The following CWC27 variants were observed in gnomAD, a reference collection of about 807,000 sequenced individuals.
The protein encoded by CWC27 is CWC27 spliceosome associated cyclophilin, also known as spliceosome-associated protein CWC27 homolog.
A neutral mutation model predicts 63.6 loss-of-function variants in CWC27; 47 were observed. The observed-to-expected ratio is 0.74, with a 90% confidence interval of 0.58 to 0.94. The LOEUF is 0.94. Among genes scored for constraint, CWC27 ranks in the 40% least tolerant of loss-of-function variants. The pLI is 0.00. For missense variants in CWC27, 495 were observed against 554.3 expected, an observed-to-expected ratio of 0.89 and a Z score of 1.07; for synonymous variants, 175 against 179.8, an observed-to-expected ratio of 0.97 and a Z score of 0.22.
chr5:64,965,338 AAGTTTTT>A (rs1227758796), intron 11 of CWC27, among the ~76,000 whole-genome samples: 6 of 152,210 alleles, frequency 3.9e-5, no homozygotes, highest in Non-Finnish European at 8.8e-5. Flanking sequence ...ACAAAAAGTC[AAGTTTTT>A]ATACACTTTC....
At chr5:64,884,936 A>C (rs951701427) in intron 10 of CWC27, among the ~76,000 whole-genome samples, 3 of 152,186 alleles carry the variant, frequency 2.0e-5, no homozygotes, top group African/African-American at 7.2e-5. Flanking sequence ...GTATTAAATG[A>C]GTTAAAAACT....
At chr5:64,860,944 T>G (rs1217569130) in intron 10 of CWC27, among the ~76,000 whole-genome samples, 2 of 152,174 alleles carry the variant, frequency 1.3e-5, no homozygotes, top group Non-Finnish European at 2.9e-5. Flanking sequence ...CAGCTCATAA[T>G]TTTTTTAGGT....
chr5:64,832,618 C>A (rs1209179077), intron 10 of CWC27, among the ~76,000 whole-genome samples: 2 of 151,762 alleles, frequency 1.3e-5, no homozygotes, highest in Non-Finnish European at 3.0e-5. Flanking sequence ...TTCCATAACA[C>A]AAAATACTGT....
At chr5:64,923,180 G>A (rs971317750) in intron 11 of CWC27, among the ~76,000 whole-genome samples, 1 of 152,162 alleles carries the variant, frequency 6.6e-6, no homozygotes, top group African/African-American at 2.4e-5. Context: ...AAAGTGCTGA[G>A]GTGGGGCAGT....
At chr5:64,910,214 T>A (rs549832559) in intron 11 of CWC27, among the ~76,000 whole-genome samples, 2 of 152,226 alleles carry the variant, frequency 1.3e-5, no homozygotes, top group Non-Finnish European at 2.9e-5. Flanking sequence ...TGGAGTTTGC[T>A]GGAGGTCCAC....
chr5:64,836,250 T>G (rs1291049360), intron 10 of CWC27, among the ~76,000 whole-genome samples: 1 of 151,888 alleles, frequency 6.6e-6, no homozygotes, highest in Non-Finnish European at 1.5e-5. Flanking sequence ...CTTAGAAATG[T>G]TACACCTTTG....
intron 11 of CWC27, among the ~76,000 whole-genome samples, chr5:64,941,187 C>T (rs1748472366): frequency 6.6e-6 from 1 of 152,064 alleles, no homozygotes; most frequent in Non-Finnish European, 1.5e-5. Flanking sequence ...ATTTCCCAAG[C>T]CCAGAAATCA....
At position 64,800,233 on chromosome 5, in the gene CWC27, G is replaced by A; in HGVS notation, c.670-15G>A. 1 of 1,570,942 alleles carries A rather than the reference G, an allele frequency of 6.4e-7. No individual in the cohort carries two copies. The highest frequency in any genetic ancestry group is 8.7e-7 in the Non-Finnish European group (1 of 1,143,862). ...TTATTTCCCCCCTCATGATTATATT[G>A]TACATTCTTTGCAGAGCATGAAGGG... On this transcript the variant is annotated splice_polypyrimidine_tract_variant and intron_variant, in intron 7 of 13. Coordinates refer to ENST00000381070, the MANE Select transcript of CWC27 (RefSeq NM_005869.4).
At position 64,786,547 on chromosome 5, in the gene CWC27, C is replaced by T. The variant is rs766638206; in HGVS notation, c.519C>T (p.Asp173=). ...AGGTTTTGTTTAATCCTTTTGATGACATCATTCCAAGGGAAATTAAAAGGC... is the reference window on the plus strand; with the variant it reads ...AGGTTTTGTTTAATCCTTTTGATGATATCATTCCAAGGGAAATTAAAAGGC... ...SCEVLFNPFD[D]IIPREIKRLK... Residue 173 remains aspartate (D), a synonymous_variant, in exon 6 of 14, where the codon GAC becomes GAT. Transcript: ENST00000381070. 1.4e-5 allele frequency: 22 copies of T among 1,571,124 alleles called. No homozygotes were observed. The highest frequency in any genetic ancestry group is 1.9e-5 in the Non-Finnish European group (22 of 1,162,740).
chr5:64,873,722 C>T (rs1298484505), intron 10 of CWC27, among the ~76,000 whole-genome samples: 1 of 152,056 alleles, frequency 6.6e-6, no homozygotes, highest in African/African-American at 2.4e-5. Context: ...TTGTTCTGTG[C>T]TTTTGAGGTC....
intron 10 of CWC27, among the ~76,000 whole-genome samples, chr5:64,864,805 T>G (rs1008868643): frequency 4.6e-4 from 70 of 152,236 alleles, no homozygotes; most frequent in African/African-American, 1.7e-3. Context: ...TGGGGTACAA[T>G]GTGAGGTTTT....
At chr5:64,905,291 A>C (rs985661993) in intron 11 of CWC27, among the ~76,000 whole-genome samples, 2 of 151,652 alleles carry the variant, frequency 1.3e-5, no homozygotes, top group African/African-American at 2.4e-5. Flanking sequence ...TCCACACTCA[A>C]GCTAAGATGC....
chr5:64,911,910 T>C (rs1227789355), intron 11 of CWC27, among the ~76,000 whole-genome samples: 1 of 151,666 alleles, frequency 6.6e-6, no homozygotes, highest in East Asian at 1.9e-4. Flanking sequence ...CCATCTCTAC[T>C]AAAAATACAA....
intron 10 of CWC27, among the ~76,000 whole-genome samples, chr5:64,849,797 GT>G (rs1746087002): frequency 1.3e-5 from 2 of 151,870 alleles, no homozygotes; most frequent in Admixed American, 1.3e-4. Flanking sequence ...GTGTGTGGCA[GT>G]TCTCTCTCTC....
chr5:64,831,881 C>T (rs535889588), intron 10 of CWC27, among the ~76,000 whole-genome samples: 1 of 152,024 alleles, frequency 6.6e-6, no homozygotes, highest in African/African-American at 2.4e-5. Context: ...ATTCCTATAT[C>T]TGCCTCTTTA....
chr5:64,778,231 A>C (rs931579818), intron 2 of CWC27, among the ~76,000 whole-genome samples: 15 of 21,472 alleles, frequency 7.0e-4, no homozygotes, highest in Admixed American at 4.1e-3. Context: ...TTATGTAATG[A>C]CCTCAGGATA....
At chr5:64,824,187 G>GT (rs1745293924) in intron 10 of CWC27, among the ~76,000 whole-genome samples, 1 of 152,052 alleles carries the variant, frequency 6.6e-6, no homozygotes, top group Non-Finnish European at 1.5e-5. Flanking sequence ...CCATCTATGT[G>GT]TTTTTTAAAT....
At chr5:65,016,501 A>G (rs566468383) in intron 13 of CWC27, among the ~76,000 whole-genome samples, 4 of 152,244 alleles carry the variant, frequency 2.6e-5, no homozygotes, top group Admixed American at 2.6e-4. Flanking sequence ...AATGAAGTAT[A>G]AAAATGTGAA....
intron 10 of CWC27, among the ~76,000 whole-genome samples, chr5:64,878,083 G>A (rs578204653): frequency 1.3e-5 from 2 of 151,818 alleles, no homozygotes; most frequent in Non-Finnish European, 3.0e-5. Flanking sequence ...ATTATTTTTT[G>A]CCTTACTTAA....
Sources: gnomAD v4.1 joint callset for allele counts (sites outside exome capture counted in the v4.1 genomes callset) on GRCh38, gnomAD v4.1.1 for gene constraint, MANE v1.5 for transcripts, NCBI Gene and HGNC (gene_info 2026-07-23, HGNC 2026-07-21) for gene names.